Variants in CREB1 observed in about 807,000 individuals in gnomAD.
CREB1 encodes the protein cAMP responsive element binding protein 1.
In CREB1, 2 loss-of-function variants were observed where a neutral mutation model predicts 42.0. The ratio of observed to expected loss-of-function variants is 0.05; its 90% confidence interval spans 0.02 to 0.15. CREB1 has a LOEUF of 0.15. CREB1 is among the 10% of genes least tolerant of loss of function. CREB1 has a pLI of 1.00. For missense variants in CREB1, 199 were observed against 388.9 expected (o/e 0.51, Z 4.11); for synonymous variants, 123 against 139.9 (o/e 0.88, Z 0.85).
chr2:207,548,623 C>T (rs546243967), intron 1 of CREB1, among the ~76,000 whole-genome samples: 18 of 152,038 alleles, frequency 1.2e-4, no homozygotes, highest in African/African-American at 4.3e-4. Context: ...TGGTGGTGCA[C>T]ATCTGTAATC....
At chr2:207,591,927 A>G (rs867004024) in intron 7 of CREB1, among the ~76,000 whole-genome samples, 10 of 152,140 alleles carry the variant, frequency 6.6e-5, no homozygotes, top group African/African-American at 2.4e-4. Flanking sequence ...TTACATTTAT[A>G]TATTTAATTT....
intron 1 of CREB1, among the ~76,000 whole-genome samples, chr2:207,544,030 C>T (rs879300856): frequency 6.6e-6 from 1 of 152,206 alleles, no homozygotes; most frequent in Admixed American, 6.5e-5. Flanking sequence ...TGCCATTCTC[C>T]TGCTTCAGCC....
intron 1 of CREB1, among the ~76,000 whole-genome samples, chr2:207,554,330 G>A (rs1185463662): frequency 6.6e-6 from 1 of 152,134 alleles, no homozygotes; most frequent in East Asian, 1.9e-4. Flanking sequence ...ACATTGTGAT[G>A]GAGTGTAATG....
intron 1 of CREB1, among the ~76,000 whole-genome samples, chr2:207,552,537 G>C (rs1325678388): frequency 6.6e-6 from 1 of 150,514 alleles, no homozygotes; most frequent in Non-Finnish European, 1.5e-5. Context: ...TGATACATTT[G>C]TATTTATCTT....
intron 7 of CREB1, among the ~76,000 whole-genome samples, chr2:207,583,040 T>C (rs2083220905): frequency 6.6e-6 from 1 of 152,026 alleles, no homozygotes; most frequent in Admixed American, 6.6e-5. Context: ...AAAGTAACAA[T>C]ATAACAATTT....
chr2:207,582,610 G>A (rs2083114878), intron 7 of CREB1, among the ~76,000 whole-genome samples: 1 of 152,042 alleles, frequency 6.6e-6, no homozygotes, highest in African/African-American at 2.4e-5. Context: ...GAGACTACAA[G>A]ATTGTCCAGG....
intron 1 of CREB1, among the ~76,000 whole-genome samples, chr2:207,553,673 T>C (rs1559277350): frequency 1.3e-5 from 2 of 152,222 alleles, no homozygotes. Flanking sequence ...ATTAAAGTGT[T>C]ATATATGTCT....
intron 1 of CREB1, among the ~76,000 whole-genome samples, chr2:207,551,801 T>C (rs1351568374): frequency 6.6e-6 from 1 of 152,054 alleles, no homozygotes; most frequent in East Asian, 1.9e-4. Flanking sequence ...CCCAGCACTT[T>C]GGGAGGCTGA....
chr2:207,568,235 G>A (rs2082214491), intron 4 of CREB1: 1 of 151,922 alleles, frequency 6.6e-6, no homozygotes, highest in African/African-American at 2.4e-5. Flanking sequence ...ATTTTTCAAA[G>A]GGATGGTTTT....
At position 207,560,294 on chromosome 2, in the gene CREB1, G is replaced by A. The variant is rs35349697; in HGVS notation, c.183G>A (p.Gly61=). ...TAACTCTAGTACAGCTGCCCAATGG[G>A]CAGACAGTTCAAGTCCATGGAGTCA... ...PTVTLVQLPN[G]QTVQVHGVIQ... The change falls in exon 3 of 8, where the codon GGG becomes GGA. Residue 61 remains glycine (G), a synonymous_variant. Transcript: ENST00000353267. 5.0e-6 allele frequency: 8 copies of A among 1,613,946 alleles called. No individual in the cohort carries two copies. Among genetic ancestry groups the A allele is most frequent in the South Asian group, 3.3e-5 (3 of 91,066 alleles).
chr2:207,547,911 T>C (rs2081356299), intron 1 of CREB1, among the ~76,000 whole-genome samples: 1 of 151,960 alleles, frequency 6.6e-6, no homozygotes, highest in Admixed American at 6.6e-5. Context: ...CCATGCAATA[T>C]GTTTCTATAT....
At chr2:207,543,258 G>A (rs2081167526) in intron 1 of CREB1, among the ~76,000 whole-genome samples, 1 of 152,140 alleles carries the variant, frequency 6.6e-6, no homozygotes, top group African/African-American at 2.4e-5. Context: ...GCAGTTGGTT[G>A]AATCCACAGA....
chr2:207,548,447 A>G (rs892056913), intron 1 of CREB1, among the ~76,000 whole-genome samples: 3 of 152,158 alleles, frequency 2.0e-5, no homozygotes, highest in African/African-American at 7.2e-5. Flanking sequence ...GTTTTCTTAA[A>G]TAATATTGAA....
rs2086505588 is a variant in CREB1, at chr2:207,598,328, C to T, written c.*1270C>T. ...GTAAAAAGAGTAGTTATTAGTTCTG[C>T]TTTAGCTTTCCAATATGCTGTATAG... On this transcript the variant is annotated 3_prime_UTR_variant, in exon 8 of 8. Coordinates refer to ENST00000353267, the MANE Select transcript of CREB1 (RefSeq NM_004379.5). 2 of 184,064 alleles carry T rather than the reference C, an allele frequency of 1.1e-5. No homozygotes were observed. Among genetic ancestry groups the T allele is most frequent in the Admixed American group, 1.2e-4 (2 of 16,054 alleles). 11.4% of individuals were successfully genotyped at this position (184,064 alleles called of 1,614,324 possible).
Position 207,555,719 on chromosome 2 carries a change from A to G in CREB1, c.84A>G (p.Gln28=). The part of the protein sequence containing the change: ...TEAENQQMTV[Q]AQPQIATLAQ... ...CTGAAAACCAACAAATGACAGTTCA[A>G]GCCCAGCCACAGATTGCCACATTAG... Residue 28 remains glutamine (Q), a synonymous_variant, in exon 2 of 8, where the codon CAA becomes CAG. Transcript: ENST00000353267. 1 of 1,613,620 alleles carries G rather than the reference A, an allele frequency of 6.2e-7. No individual in the cohort carries two copies. Among genetic ancestry groups the G allele is most frequent in the Non-Finnish European group, 8.5e-7 (1 of 1,179,646 alleles).
At chr2:207,541,456 T>TA (rs1475495329) in intron 1 of CREB1, among the ~76,000 whole-genome samples, 2 of 152,216 alleles carry the variant, frequency 1.3e-5, no homozygotes, top group African/African-American at 4.8e-5. Flanking sequence ...AACAAATACT[T>TA]ACCGTTGTGT....
At chr2:207,574,559 T>C (rs1172449002) in intron 5 of CREB1, among the ~76,000 whole-genome samples, 1 of 152,218 alleles carries the variant, frequency 6.6e-6, no homozygotes, top group Non-Finnish European at 1.5e-5. Context: ...TGTGGCTAAT[T>C]AGGGCATAAA....
intron 3 of CREB1, among the ~76,000 whole-genome samples, chr2:207,561,467 C>G (rs1179159730): frequency 6.6e-6 from 1 of 152,110 alleles, no homozygotes; most frequent in Non-Finnish European, 1.5e-5. Flanking sequence ...CTAAAATATT[C>G]TTCTCTGTGA....
At chr2:207,543,048 A>T (rs925255768) in intron 1 of CREB1, among the ~76,000 whole-genome samples, 2 of 152,206 alleles carry the variant, frequency 1.3e-5, no homozygotes, top group African/African-American at 4.8e-5. Flanking sequence ...AGTCCCTTAT[A>T]TAAAGTGGTA....
Sources: allele counts gnomAD v4.1 joint callset (sites outside exome capture counted in the v4.1 genomes callset), GRCh38; gene constraint gnomAD v4.1.1; transcripts MANE v1.5; gene names NCBI Gene and HGNC (gene_info 2026-07-23, HGNC 2026-07-21).